The following NUGGC variants were observed in gnomAD, a reference collection of about 807,000 sequenced individuals.
The protein encoded by NUGGC is nuclear GTPase, germinal center associated.
Under a neutral mutation model 92.6 loss-of-function variants are expected in NUGGC, and 58 were observed. The observed-to-expected ratio is 0.63, with a 90% CI of 0.51 to 0.78. The LOEUF (loss-of-function observed/expected upper bound fraction) is 0.78, where lower values mean the gene tolerates loss of function less well. Ranked by LOEUF, NUGGC falls within the 30% of genes least tolerant of loss-of-function variation. NUGGC has a pLI of 0.00. For synonymous variants in NUGGC, 376 were observed against 366.4 expected, an observed-to-expected ratio of 1.03 and a Z score of -0.30; for missense variants, 925 against 964.6, an observed-to-expected ratio of 0.96 and a Z score of 0.54.
Position 28,029,368 on chromosome 8 carries a change from C to T in NUGGC, c.2052G>A (p.Glu684=). 1 of 1,612,618 alleles carries T rather than the reference C, an allele frequency of 6.2e-7. No individual in the cohort carries two copies. Among genetic ancestry groups the T allele is most frequent in the Non-Finnish European group, 8.5e-7 (1 of 1,179,344 alleles). The part of the protein sequence containing the change: ...AAQITGKKAC[E]RMKDAIRRGV... ...CTCTTCTGATGGCATCTTTCATCCG[C>T]TCACACGCTTTTTTGCCCGTGATCT... The change falls in exon 17 of 19, where the codon GAG becomes GAA. Residue 684 remains glutamate, a synonymous_variant. Coordinates refer to ENST00000413272, the MANE Select transcript of NUGGC (RefSeq NM_001010906.2).
At chr8:28,029,137 C>T (rs749369973) in intron 17 of NUGGC, 129 bp downstream of exon 17, 6 of 891,540 alleles carry the variant, frequency 6.7e-6, no homozygotes, top group African/African-American at 5.1e-5. Context: ...GCTCTCAAGT[C>T]GAAGCCCCAG....
rs1043583352 is a variant in NUGGC, at chr8:28,032,664, G to A, written c.1769+876C>T. On this transcript the variant is annotated intron_variant, in intron 14 of 18. Transcript: ENST00000413272. ...ACCCAGGAGGCAGAGCTTCCAATGAGCTGAGATCGCGCCACTGCACCACTC... is the reference window on the plus strand; with the variant it reads ...ACCCAGGAGGCAGAGCTTCCAATGAACTGAGATCGCGCCACTGCACCACTC... Among the ~76,000 whole-genome samples, 23 of 150,256 alleles carry A rather than the reference G, an allele frequency of 1.5e-4. No individual in the cohort carries two copies. The Admixed American group carries it at 1.5e-3, about 10-fold the overall frequency.
At chr8:28,068,092 G>A (rs1425337861) in intron 5 of NUGGC, 124 bp downstream of exon 5, 1 of 628,976 alleles carries the variant, frequency 1.6e-6, no homozygotes, top group African/African-American at 1.8e-5. Context: ...AAGGAAGAAG[G>A]AAAGAAGGGA....
At chr8:28,038,836 G>T (rs1809621265) in intron 13 of NUGGC, among the ~76,000 whole-genome samples, 1 of 152,128 alleles carries the variant, frequency 6.6e-6, no homozygotes, top group Non-Finnish European at 1.5e-5. Flanking sequence ...TGGAGTCCAT[G>T]CATGGCCATG....
Position 28,040,785 on chromosome 8 carries a change from G to C in NUGGC, c.1611+266C>G, listed in dbSNP as rs569959352. On this transcript the variant is annotated intron_variant, in intron 13 of 18. Coordinates refer to ENST00000413272, the MANE Select transcript of NUGGC (RefSeq NM_001010906.2). ...CCTCAGCCTCCTGAGCAGCTGGGAT[G>C]ACAGGCACACGCCACCACACCTGGC... Among the ~76,000 whole-genome samples, 21 of 152,010 alleles carry C rather than the reference G, an allele frequency of 1.4e-4. No homozygotes were observed. In the East Asian group the frequency reaches 3.1e-3, roughly 22 times the overall value.
chr8:28,025,504 C>T (rs538981326), intron 18 of NUGGC, among the ~76,000 whole-genome samples: 15 of 152,132 alleles, frequency 9.9e-5, no homozygotes, highest in Non-Finnish European at 1.9e-4. Flanking sequence ...CTCTGGCAAG[C>T]GGGAGTTCTT....
chr8:28,023,233 T>G lies in NUGGC; in HGVS notation c.*84A>C. 6.9e-7 allele frequency: 1 copy of G among 1,443,498 alleles called. No homozygotes were observed. The highest frequency in any genetic ancestry group is 9.3e-7 in the Non-Finnish European group (1 of 1,072,738). The allele number at this position is 1,443,498 out of a possible 1,614,324, so 89.4% of individuals were successfully genotyped here. ...AGCCTGGGCAACAGAGGTAGATAGATCTTGTCTCTTAAGAACAAAAAAAGT... is the reference window on the plus strand; with the variant it reads ...AGCCTGGGCAACAGAGGTAGATAGAGCTTGTCTCTTAAGAACAAAAAAAGT... On this transcript the variant is annotated 3_prime_UTR_variant, in exon 19 of 19. Coordinates refer to ENST00000413272, the MANE Select transcript of NUGGC (RefSeq NM_001010906.2).
chr8:28,080,381 T>C (rs1810821627), intron 1 of NUGGC, among the ~76,000 whole-genome samples: 2 of 152,254 alleles, frequency 1.3e-5, no homozygotes, highest in South Asian at 2.1e-4. Context: ...AAATGACAAA[T>C]GTCCTTTTCT....
intron 11 of NUGGC, among the ~76,000 whole-genome samples, chr8:28,046,505 C>A (rs1429339285): frequency 1.3e-5 from 2 of 152,048 alleles, no homozygotes; most frequent in Non-Finnish European, 2.9e-5. Context: ...CTTATTTTTA[C>A]TTCAGTTTTT....
chr8:28,067,444 C>T (rs911735778), intron 6 of NUGGC, 70 bp downstream of exon 6: 6 of 997,914 alleles, frequency 6.0e-6, no homozygotes, highest in Middle Eastern at 4.2e-4. Flanking sequence ...AAGCCCATCC[C>T]CTGAAACAGG....
At chr8:28,059,982 T>C (rs1444887356) in intron 8 of NUGGC, among the ~76,000 whole-genome samples, 1 of 151,722 alleles carries the variant, frequency 6.6e-6, no homozygotes, top group Non-Finnish European at 1.5e-5. Context: ...GATCGTGCCA[T>C]TGCACTCCAG....
At chr8:28,083,011 C>G (rs1415542773) in intron 1 of NUGGC, among the ~76,000 whole-genome samples, 1 of 152,168 alleles carries the variant, frequency 6.6e-6, no homozygotes. Flanking sequence ...AGAGAAGAGA[C>G]AAATGTCCCA....
chr8:28,058,432 C>T (rs1246965500), intron 8 of NUGGC, among the ~76,000 whole-genome samples, 156 bp from the exon 9 acceptor site: 1 of 152,116 alleles, frequency 6.6e-6, no homozygotes, highest in Non-Finnish European at 1.5e-5. Flanking sequence ...GACCCATCTC[C>T]AGCATCCACT....
intron 13 of NUGGC, among the ~76,000 whole-genome samples, chr8:28,034,875 A>C (rs950286322): frequency 6.6e-6 from 1 of 152,240 alleles, no homozygotes; most frequent in African/African-American, 2.4e-5. Flanking sequence ...CATATGGATG[A>C]AAAATAATTC....
chr8:28,028,469 C>G (rs180783869), intron 17 of NUGGC, among the ~76,000 whole-genome samples: 1 of 152,280 alleles, frequency 6.6e-6, no homozygotes, highest in East Asian at 1.9e-4. Context: ...AAGGCTGGTT[C>G]TGAGGTGGAC....
At chr8:28,048,997 T>TA (rs1274716561) in intron 10 of NUGGC, among the ~76,000 whole-genome samples, 12 of 148,516 alleles carry the variant, frequency 8.1e-5, no homozygotes, top group Non-Finnish European at 1.6e-4. Flanking sequence ...TCATTCTTCT[T>TA]ACTTAAAAAA....
At chr8:28,029,630 T>TCC (rs968044039) in intron 16 of NUGGC, among the ~76,000 whole-genome samples, 1 of 152,032 alleles carries the variant, frequency 6.6e-6, no homozygotes, top group Non-Finnish European at 1.5e-5. Context: ...ACGCCTGTAA[T>TCC]CCCACCTACT....
At chr8:28,027,094 C>A in intron 17 of NUGGC, 42 bp from the exon 18 acceptor site, 1 of 1,475,736 alleles carries the variant, frequency 6.8e-7, no homozygotes, top group Non-Finnish European at 9.5e-7. Flanking sequence ...TGGTGCAGCC[C>A]AAGGAAAAGT....
chr8:28,056,181 T>A, intron 9 of NUGGC, 127 bp from the exon 10 acceptor site: 1 of 595,126 alleles, frequency 1.7e-6, no homozygotes, highest in South Asian at 2.1e-5. Flanking sequence ...TGCACTGTAT[T>A]AGAATTATAC....
Sources: allele counts gnomAD v4.1 joint callset (sites outside exome capture counted in the v4.1 genomes callset), GRCh38; gene constraint gnomAD v4.1.1; transcripts MANE v1.5; gene names NCBI Gene and HGNC (gene_info 2026-07-23, HGNC 2026-07-21).